COL19A1: variants seen among roughly 807,000 people sequenced by gnomAD.
The protein encoded by COL19A1 is collagen alpha-1(XIX) chain.
COL19A1 carries 159 observed loss-of-function variants against 190.2 expected under a neutral mutation model. The observed-to-expected ratio is 0.84, with a 90% CI of 0.73 to 0.95. The LOEUF (loss-of-function observed/expected upper bound fraction) is 0.95. Ranked by LOEUF, COL19A1 falls within the 40% of genes least tolerant of loss-of-function variation. The pLI is 0.00. For synonymous variants in COL19A1, 509 were observed against 458.9 expected (o/e 1.11, Z -1.39); for missense variants, 1,418 against 1,431.9 (o/e 0.99, Z 0.16).
chr6:70,206,293 T>C (rs1583167424), intron 49 of COL19A1, among the ~76,000 whole-genome samples: 2 of 152,294 alleles, frequency 1.3e-5, no homozygotes, highest in Middle Eastern at 6.8e-3. Context: ...GATTGATTTA[T>C]TTAGGTGTCA....
At chr6:69,956,785 T>C (rs1774448125) in intron 9 of COL19A1, among the ~76,000 whole-genome samples, 1 of 152,108 alleles carries the variant, frequency 6.6e-6, no homozygotes, top group Non-Finnish European at 1.5e-5. Context: ...AAATATGAAC[T>C]AATGAATGGG....
chr6:70,017,070 G>T (rs531935841), intron 11 of COL19A1, among the ~76,000 whole-genome samples: 1 of 152,126 alleles, frequency 6.6e-6, no homozygotes, highest in East Asian at 1.9e-4. Flanking sequence ...GTTCATGGCA[G>T]CATTATTTAG....
intron 4 of COL19A1, among the ~76,000 whole-genome samples, chr6:69,921,445 C>CATATATATCATATATATCATATATCAT (rs1554166250): frequency 3.7e-5 from 1 of 27,176 alleles, no homozygotes; most frequent in African/African-American, 1.7e-4. Context: ...TCATATATAT[C>CATATATATCATATATATCATATATCAT]ATATATCATA....
At chr6:70,160,319 C>T (rs546859249) in intron 34 of COL19A1, among the ~76,000 whole-genome samples, 2 of 152,196 alleles carry the variant, frequency 1.3e-5, no homozygotes, top group East Asian at 3.9e-4. Context: ...CTCCTGAGAA[C>T]TTACTCACTA....
chr6:70,051,451 C>T (rs1371624913), intron 14 of COL19A1, among the ~76,000 whole-genome samples: 2 of 152,072 alleles, frequency 1.3e-5, no homozygotes, highest in Non-Finnish European at 2.9e-5. Flanking sequence ...TTGCCCTTGC[C>T]CCCAGGTACC....
intron 49 of COL19A1, among the ~76,000 whole-genome samples, chr6:70,201,574 T>C (rs1767557830): frequency 6.6e-6 from 1 of 152,208 alleles, no homozygotes; most frequent in Admixed American, 6.5e-5. Flanking sequence ...ACTAAAATTG[T>C]CAAAACTTTT....
chr6:69,900,101 C>G, intron 3 of COL19A1, 138 bp from the exon 4 acceptor site: 1 of 445,116 alleles, frequency 2.2e-6, no homozygotes, highest in Non-Finnish European at 4.0e-6. Context: ...AAAATAAAAT[C>G]AAGAAATTTT....
intron 11 of COL19A1, among the ~76,000 whole-genome samples, chr6:69,970,597 G>T (rs1775373518): frequency 6.6e-6 from 1 of 152,046 alleles, no homozygotes; most frequent in Non-Finnish European, 1.5e-5. Flanking sequence ...ACTAATGCAA[G>T]TATGTTAAAT....
chr6:70,018,440 A>C, intron 11 of COL19A1, among the ~76,000 whole-genome samples: 1 of 152,122 alleles, frequency 6.6e-6, no homozygotes, highest in East Asian at 1.9e-4. Flanking sequence ...TTCTCTAGGA[A>C]CAAGAGGTGG....
At chr6:70,167,410 G>A (rs569277819) in intron 37 of COL19A1, among the ~76,000 whole-genome samples, 36 of 152,204 alleles carry the variant, frequency 2.4e-4, no homozygotes, top group African/African-American at 8.7e-4. Flanking sequence ...TTAAACTATA[G>A]AATAAGTTCT....
intron 12 of COL19A1, among the ~76,000 whole-genome samples, chr6:70,031,813 C>A (rs536976388): frequency 1.3e-5 from 2 of 152,280 alleles, no homozygotes; most frequent in African/African-American, 4.8e-5. Context: ...GAAGTAGCAA[C>A]TCTCTCCTCT....
intron 39 of COL19A1, 122 bp downstream of exon 39, chr6:70,168,337 C>A (rs1405048312): frequency 4.1e-6 from 4 of 965,796 alleles, no homozygotes; most frequent in East Asian, 2.5e-5. Context: ...AATTTTACAG[C>A]AGAAGGAAAT....
intron 11 of COL19A1, among the ~76,000 whole-genome samples, chr6:69,987,457 G>A (rs577672190): frequency 1.3e-5 from 2 of 152,240 alleles, no homozygotes; most frequent in African/African-American, 4.8e-5. Context: ...TACTGAGAAG[G>A]ATCAACTCTG....
intron 15 of COL19A1, among the ~76,000 whole-genome samples, chr6:70,073,514 CTTGA>C (rs895870409): frequency 7.2e-5 from 11 of 152,154 alleles, no homozygotes; most frequent in African/African-American, 2.2e-4. Flanking sequence ...AATATTAGTA[CTTGA>C]TTAAGGAGAA....
chr6:69,893,367 G>A (rs1316995969), intron 2 of COL19A1, among the ~76,000 whole-genome samples: 1 of 152,176 alleles, frequency 6.6e-6, no homozygotes, highest in Non-Finnish European at 1.5e-5. Flanking sequence ...ATAGCAAAAT[G>A]TCCAGGGTAA....
chr6:69,978,978 C>T (rs1356871876), intron 11 of COL19A1, among the ~76,000 whole-genome samples: 1 of 151,620 alleles, frequency 6.6e-6, no homozygotes, highest in Non-Finnish European at 1.5e-5. Flanking sequence ...AATTTGATCA[C>T]CTAGAGAAAA....
In COL19A1 at chr6:70,199,820, A is replaced by G. The variant is rs1767440067; in HGVS notation, c.3223+84A>G. The G allele has an allele frequency of 2.3e-6, 3 of 1,328,316 alleles. No individual in the cohort carries two copies. In the South Asian group the frequency reaches 4.6e-5, roughly 20 times the overall value. The allele number at this position is 1,328,316 out of a possible 1,614,324, so 82.3% of individuals were successfully genotyped here. ...GTTAGTCACAGTTAAGGAAAAAAGT[A>G]TGTATGTATGTCCTTTATTTATACA... is the stretch of plus-strand genomic sequence containing the variant. On this transcript the variant is annotated intron_variant, in intron 49 of 50. Coordinates refer to ENST00000620364, the MANE Select transcript of COL19A1 (RefSeq NM_001858.6).
At chr6:70,159,579 T>A (rs1046589032) in intron 34 of COL19A1, among the ~76,000 whole-genome samples, 5 of 152,266 alleles carry the variant, frequency 3.3e-5, no homozygotes, top group South Asian at 2.1e-4. Context: ...CTTCTTCATA[T>A]CATATCACAT....
intron 9 of COL19A1, among the ~76,000 whole-genome samples, chr6:69,938,485 G>GCTCTCTACCTTTTTTT (rs1170285134): frequency 1.7e-4 from 25 of 151,132 alleles, no homozygotes; most frequent in Admixed American, 1.3e-4. Flanking sequence ...TTTTTCTGTA[G>GCTCTCTACCTTTTTTT]CTCTCTACCT....
Sources: gnomAD v4.1 joint callset for allele counts (sites outside exome capture counted in the v4.1 genomes callset) on GRCh38, gnomAD v4.1.1 for gene constraint, MANE v1.5 for transcripts, NCBI Gene and HGNC (gene_info 2026-07-23, HGNC 2026-07-21) for gene names.